The following WDTC1 variants were observed in gnomAD, a reference collection of about 807,000 sequenced individuals.
WDTC1 encodes the protein WD and tetratricopeptide repeats 1.
Under a neutral mutation model 76.0 loss-of-function variants are expected in WDTC1, and 12 were observed. The observed-to-expected ratio is 0.16, with a 90% CI of 0.10 to 0.26. The LOEUF (loss-of-function observed/expected upper bound fraction) is 0.26, where lower values mean the gene tolerates loss of function less well. Ranked by LOEUF, WDTC1 falls within the 10% of genes least tolerant of loss-of-function variation. The pLI, the probability that WDTC1 is intolerant of heterozygous loss-of-function variation, is 1.00. For missense variants in WDTC1, 511 were observed against 908.8 expected (o/e 0.56, Z 5.63); for synonymous variants, 326 against 350.8 (o/e 0.93, Z 0.79).
intron 3 of WDTC1, among the ~76,000 whole-genome samples, chr1:27,275,875 C>T (rs2013012767): frequency 6.6e-6 from 1 of 152,178 alleles, no homozygotes; most frequent in South Asian, 2.1e-4. Context: ...AAAGGAACCT[C>T]TTACCCATCT....
rs370461349 is a variant in WDTC1 at position 27,238,407 on chromosome 1, A to G, written c.-100+3456A>G. ...TTGATAGGAGATAATGTAGCTTTCTAAAAACAAAATGGGCTGCCTTGTGAG... is the reference window on the plus strand; with the variant it reads ...TTGATAGGAGATAATGTAGCTTTCTGAAAACAAAATGGGCTGCCTTGTGAG... On this transcript the variant is annotated intron_variant, in intron 1 of 15. Coordinates refer to ENST00000319394, the MANE Select transcript of WDTC1 (RefSeq NM_001276252.2). 3.6e-4 allele frequency among the ~76,000 whole-genome samples: 55 copies of G among 152,340 alleles called. No individual in the cohort carries two copies. In the South Asian group the frequency reaches 0.011, roughly 29 times the overall value.
At chr1:27,302,583 T>TA (rs974568380) in intron 13 of WDTC1, among the ~76,000 whole-genome samples, 1 of 151,146 alleles carries the variant, frequency 6.6e-6, no homozygotes, top group Non-Finnish European at 1.5e-5. Context: ...AAAGAAAAAT[T>TA]AAAAAAAATT....
chr1:27,289,788 G>T (rs2013478152), intron 6 of WDTC1, among the ~76,000 whole-genome samples: 2 of 151,912 alleles, frequency 1.3e-5, no homozygotes, highest in Non-Finnish European at 2.9e-5. Flanking sequence ...CTGGAGACCG[G>T]CCCGGCCAAC....
chr1:27,285,419 G>A (rs1470617338), intron 5 of WDTC1, among the ~76,000 whole-genome samples: 1 of 151,942 alleles, frequency 6.6e-6, no homozygotes, highest in African/African-American at 2.4e-5. Context: ...AGTCAAGTGG[G>A]ACATCAGCTG....
intron 12 of WDTC1, among the ~76,000 whole-genome samples, chr1:27,299,233 A>G (rs1391726970): frequency 6.6e-6 from 1 of 152,218 alleles, no homozygotes; most frequent in Non-Finnish European, 1.5e-5. Context: ...TGTGCTAGGT[A>G]CTAGGAACAC....
Position 27,305,984 on chromosome 1 carries a change from T to C in WDTC1, c.1837-202T>C, listed in dbSNP as rs1002866300. Among the ~76,000 whole-genome samples, 2 of 152,038 alleles carry C rather than the reference T, an allele frequency of 1.3e-5. No homozygotes were observed. The highest frequency in any genetic ancestry group is 2.9e-5 in the Non-Finnish European group (2 of 67,984). The stretch of plus-strand genomic sequence containing the variant: ...ATATCCTGAGGTGGCGTATCTCCCA[T>C]ATATATTCCAGCGTGAGCACCCCCA... On this transcript the variant is annotated intron_variant, in intron 15 of 15. Coordinates refer to ENST00000319394, the MANE Select transcript of WDTC1 (RefSeq NM_001276252.2). The surrounding 1 kb of genome is among the most constrained non-coding windows in gnomAD (Gnocchi z 4.6).
At chr1:27,239,974 C>A (rs2011581873) in intron 1 of WDTC1, among the ~76,000 whole-genome samples, 1 of 151,880 alleles carries the variant, frequency 6.6e-6, no homozygotes, top group East Asian at 2.0e-4. Context: ...CTGCAACCTC[C>A]GCCTCCTAGG....
intron 2 of WDTC1, among the ~76,000 whole-genome samples, chr1:27,261,811 A>G (rs2012482894): frequency 6.6e-6 from 1 of 152,156 alleles, no homozygotes; most frequent in Non-Finnish European, 1.5e-5. Context: ...CCTCAGTTTT[A>G]TGTTGTTAAA....
intron 1 of WDTC1, among the ~76,000 whole-genome samples, chr1:27,250,832 A>G (rs927162595): frequency 6.6e-6 from 1 of 150,878 alleles, no homozygotes; most frequent in African/African-American, 2.4e-5. Flanking sequence ...TGATTAGACT[A>G]ATTCCTCCAA....
chr1:27,244,645 C>G (rs984495794), intron 1 of WDTC1, among the ~76,000 whole-genome samples: 1 of 152,202 alleles, frequency 6.6e-6, no homozygotes, highest in Non-Finnish European at 1.5e-5. Context: ...CCACACCTGG[C>G]CTTATGTTAT....
chr1:27,289,720 C>A lies in WDTC1; in HGVS notation c.479+1859C>A, dbSNP rs996542994. ...ATTGAGCACTGAGTGAACGAGACTC[C>A]GTCTGCAATCCCGGCACCTCGGGAG... is the stretch of plus-strand genomic sequence containing the variant. On this transcript the variant is annotated intron_variant, in intron 6 of 15. Coordinates refer to ENST00000319394, the MANE Select transcript of WDTC1 (RefSeq NM_001276252.2). Among the ~76,000 whole-genome samples the A allele has an allele frequency of 2.6e-5, 4 of 152,080 alleles. No homozygotes were observed. The South Asian group carries it at 8.3e-4, about 32-fold the overall frequency.
chr1:27,242,036 C>T (rs924592187), intron 1 of WDTC1, among the ~76,000 whole-genome samples: 12 of 151,744 alleles, frequency 7.9e-5, no homozygotes, highest in Admixed American at 7.9e-4. Flanking sequence ...GGATTACAGG[C>T]GTGTGCCATC....
intron 12 of WDTC1, among the ~76,000 whole-genome samples, chr1:27,300,906 C>A (rs1031965344): frequency 6.6e-6 from 1 of 152,182 alleles, no homozygotes; most frequent in Non-Finnish European, 1.5e-5. Context: ...GGGCAAGATG[C>A]CAGGCCTTCT....
At chr1:27,254,735 C>T (rs962232083) in intron 1 of WDTC1, among the ~76,000 whole-genome samples, 2 of 152,206 alleles carry the variant, frequency 1.3e-5, no homozygotes, top group South Asian at 2.1e-4. Context: ...CAGGTTAAAA[C>T]GATTCTCCTG....
chr1:27,248,091 T>C (rs181734573), intron 1 of WDTC1, among the ~76,000 whole-genome samples: 35 of 152,360 alleles, frequency 2.3e-4, no homozygotes, highest in African/African-American at 8.4e-4. Flanking sequence ...TTATTGTGAA[T>C]AGTGCCACAA....
chr1:27,262,070 C>G (rs1351543401), intron 2 of WDTC1, among the ~76,000 whole-genome samples: 2 of 151,494 alleles, frequency 1.3e-5, no homozygotes, highest in Non-Finnish European at 2.9e-5. Context: ...GCTGGGACTA[C>G]AGGCGCATGC....
intron 12 of WDTC1, 29 bp downstream of exon 12, chr1:27,298,140 G>C (rs868708885): frequency 3.9e-6 from 6 of 1,552,412 alleles, no homozygotes; most frequent in Middle Eastern, 2.2e-4. Flanking sequence ...GGGGATCTGG[G>C]TCAGGATGAG....
intron 1 of WDTC1, among the ~76,000 whole-genome samples, chr1:27,236,140 C>T (rs1251238036): frequency 3.3e-5 from 5 of 152,176 alleles, no homozygotes; most frequent in Admixed American, 3.3e-4. Flanking sequence ...GAAGGAACTA[C>T]TTAATGCTAT....
intron 10 of WDTC1, 134 bp downstream of exon 10, chr1:27,296,535 C>G: frequency 1.1e-6 from 1 of 882,536 alleles, no homozygotes; most frequent in Non-Finnish European, 1.8e-6. Flanking sequence ...AATAACCCCA[C>G]CTATGCAGTA....
Sources: allele counts gnomAD v4.1 joint callset (sites outside exome capture counted in the v4.1 genomes callset), GRCh38; gene constraint gnomAD v4.1.1; non-coding constraint Gnocchi (gnomAD v3.1); transcripts MANE v1.5; gene names NCBI Gene and HGNC (gene_info 2026-07-23, HGNC 2026-07-21).